POU3F3: variants seen among roughly 807,000 people sequenced by gnomAD.
POU3F3 encodes the protein POU domain, class 3, transcription factor 3.
Under a neutral mutation model 8.6 loss-of-function variants are expected in POU3F3, and 1 was observed. The observed-to-expected ratio is 0.12, with a 90% CI of 0.04 to 0.55. The LOEUF is 0.55. Among genes scored for constraint, POU3F3 ranks in the 20% least tolerant of loss-of-function variants. The pLI is 0.91. For missense variants in POU3F3, 577 were observed against 690.7 expected (o/e 0.84, Z 1.84); for synonymous variants, 418 against 327.4 (o/e 1.28, Z -2.99).
In POU3F3 at chr2:104,856,229, CCGGCGGCGG is replaced by C. The variant is rs542802090; in HGVS notation, c.731_739del (p.Gly244_Gly246del). 8 of 1,270,392 alleles carry C rather than the reference CCGGCGGCGG, an allele frequency of 6.3e-6. No individual in the cohort carries two copies. Among genetic ancestry groups the C allele is most frequent in the East Asian group, 3.2e-5 (1 of 30,812 alleles). The allele number at this position is 1,270,392 out of a possible 1,614,324, so 78.7% of individuals were successfully genotyped here. On this transcript the variant is annotated inframe_deletion, in exon 1 of 1. Transcript: ENST00000361360. ...GGCATGCTGAGCGCGCCACCGGGGC[CCGGCGGCGG>C]CGGCGGCGGCGCGGGCGGTGGAGCC... is the stretch of plus-strand genomic sequence containing the variant.
the POU3F3 span, among the ~76,000 whole-genome samples, chr2:104,863,687 C>T: frequency 7.2e-5 from 11 of 152,278 alleles, no homozygotes; most frequent in South Asian, 2.3e-3. Flanking sequence ...TGTGGCCCAG[C>T]CCACAGACCA....
At chr2:104,900,266 G>A in the POU3F3 span, among the ~76,000 whole-genome samples, 6 of 152,180 alleles carry the variant, frequency 3.9e-5, no homozygotes, top group African/African-American at 1.4e-4. Flanking sequence ...CGCATGGTTA[G>A]ATGACACTTT....
the POU3F3 span, among the ~76,000 whole-genome samples, chr2:104,885,879 C>T: frequency 5.1e-3 from 772 of 152,170 alleles, 11 homozygotes; most frequent in African/African-American, 0.017. Flanking sequence ...CTCACTGAAA[C>T]CTCTGCCTCC....
chr2:104,899,340 T>C, the POU3F3 span, among the ~76,000 whole-genome samples: 565 of 152,312 alleles, frequency 3.7e-3, 2 homozygotes, highest in Non-Finnish European at 5.8e-3. Context: ...CCTTTCCCCT[T>C]TCCGGTAAAG....
the POU3F3 span, among the ~76,000 whole-genome samples, chr2:104,908,469 TAGA>T: frequency 1.3e-5 from 2 of 152,218 alleles, no homozygotes; most frequent in African/African-American, 4.8e-5. Context: ...TAAAGAATTG[TAGA>T]AGAAAGACGA....
the POU3F3 span, among the ~76,000 whole-genome samples, chr2:104,914,022 G>A: frequency 6.6e-6 from 1 of 152,172 alleles, no homozygotes; most frequent in African/African-American, 2.4e-5. Flanking sequence ...CTCACATTCT[G>A]TTTTCCTTCC....
the POU3F3 span, among the ~76,000 whole-genome samples, chr2:104,891,338 T>G: frequency 1.3e-5 from 2 of 151,990 alleles, no homozygotes; most frequent in African/African-American, 4.8e-5. Context: ...AGTAATTATA[T>G]GTTAATATTT....
chr2:104,895,547 C>T, the POU3F3 span, among the ~76,000 whole-genome samples: 9 of 152,234 alleles, frequency 5.9e-5, no homozygotes, highest in East Asian at 1.9e-4. Flanking sequence ...TCTGATACTA[C>T]GGAAGCCACA....
chr2:104,924,257 T>C, the POU3F3 span, among the ~76,000 whole-genome samples: 1 of 152,272 alleles, frequency 6.6e-6, no homozygotes, highest in South Asian at 2.1e-4. Context: ...AGACCACCTA[T>C]GGAAAGATGA....
chr2:104,865,517 G>A, the POU3F3 span: 2 of 152,166 alleles, frequency 1.3e-5, no homozygotes, highest in African/African-American at 4.8e-5. Context: ...GACAAGAGGT[G>A]TTCTGATGAG....
chr2:104,859,177 T>G (rs1676626957), downstream of POU3F3, among the ~76,000 whole-genome samples: 2 of 152,184 alleles, frequency 1.3e-5, no homozygotes, highest in Non-Finnish European at 2.9e-5. Context: ...TCTAAAATCC[T>G]GATTATGGTC....
chr2:104,889,386 G>A, the POU3F3 span, among the ~76,000 whole-genome samples: 1 of 152,202 alleles, frequency 6.6e-6, no homozygotes, highest in African/African-American at 2.4e-5. Context: ...CACCCAGGAA[G>A]AGGAGGGGCC....
At chr2:104,873,214 G>A in the POU3F3 span, among the ~76,000 whole-genome samples, 1 of 152,190 alleles carries the variant, frequency 6.6e-6, no homozygotes, top group Non-Finnish European at 1.5e-5. Context: ...CAGAGAAAGG[G>A]GCTGTCGTGT....
chr2:104,917,712 A>G, the POU3F3 span, among the ~76,000 whole-genome samples: 2 of 152,318 alleles, frequency 1.3e-5, no homozygotes, highest in East Asian at 1.9e-4. Context: ...TTTTCTCTCC[A>G]GGAACACTAC....
At chr2:104,913,072 T>G in the POU3F3 span, among the ~76,000 whole-genome samples, 1 of 152,180 alleles carries the variant, frequency 6.6e-6, no homozygotes, top group African/African-American at 2.4e-5. Flanking sequence ...GGCCACGGGA[T>G]TGCAAACCAC....
At position 104,857,941 on chromosome 2, in the gene POU3F3, C is replaced by A. The variant is rs1253437228; in HGVS notation, c.*928C>A. On this transcript the variant is annotated 3_prime_UTR_variant, in exon 1 of 1. Transcript: ENST00000361360. Reference sequence around the variant, plus strand: ...CCGAGTCGGGTCGCGGGCGGGCGGGCGAACTGGGAGCAGAGCGGGGGCCCA... The same window carrying A: ...CCGAGTCGGGTCGCGGGCGGGCGGGAGAACTGGGAGCAGAGCGGGGGCCCA... 6.6e-6 allele frequency: 1 copy of A among 152,062 alleles called. No individual in the cohort carries two copies. Among genetic ancestry groups the A allele is most frequent in the East Asian group, 1.9e-4 (1 of 5,194 alleles). 9.4% of individuals were successfully genotyped at this position (152,062 alleles called of 1,614,324 possible). A position where few individuals can be genotyped will look rare whatever the true frequency, so the allele number is the denominator to read the frequency against.
downstream of POU3F3, among the ~76,000 whole-genome samples, chr2:104,861,246 A>T (rs2104344451): frequency 6.6e-6 from 1 of 152,336 alleles, no homozygotes; most frequent in African/African-American, 2.4e-5. Context: ...TTTCAGTACT[A>T]AATTGAAGGA....
chr2:104,878,189 C>T, the POU3F3 span, among the ~76,000 whole-genome samples: 1 of 152,272 alleles, frequency 6.6e-6, no homozygotes, highest in African/African-American at 2.4e-5. Flanking sequence ...ATCAGCTGTG[C>T]TAGCAGACCG....
At chr2:104,877,110 AAG>A in the POU3F3 span, among the ~76,000 whole-genome samples, 1 of 152,152 alleles carries the variant, frequency 6.6e-6, no homozygotes, top group Non-Finnish European at 1.5e-5. Flanking sequence ...TTCCACAAGA[AAG>A]AGAACCACAC....
Sources: gnomAD v4.1 joint callset for allele counts (sites outside exome capture counted in the v4.1 genomes callset) on GRCh38, gnomAD v4.1.1 for gene constraint, MANE v1.5 for transcripts, NCBI Gene and HGNC (gene_info 2026-07-23, HGNC 2026-07-21) for gene names.